Variants in PHACTR3 observed in about 807,000 individuals in gnomAD.
PHACTR3 encodes protein phosphatase 1, regulatory subunit 123.
PHACTR3 carries 16 observed loss-of-function variants against 66.8 expected under a neutral mutation model. The ratio of observed to expected loss-of-function variants is 0.24; its 90% CI spans 0.16 to 0.36. PHACTR3 has a LOEUF of 0.36. Ranked by LOEUF, PHACTR3 falls within the 10% of genes least tolerant of loss-of-function variation. PHACTR3 has a pLI of 1.00. For missense variants in PHACTR3, 647 were observed against 719.9 expected (o/e 0.90, Z 1.16); for synonymous variants, 323 against 292.1 (o/e 1.11, Z -1.08).
chr20:59,661,034 C>T (rs1053220551), intron 1 of PHACTR3, among the ~76,000 whole-genome samples: 1 of 152,152 alleles, frequency 6.6e-6, no homozygotes, highest in Non-Finnish European at 1.5e-5. Context: ...CACTGTGATT[C>T]TCATTTTCCT....
chr20:59,698,293 G>C (rs911817440), intron 1 of PHACTR3, among the ~76,000 whole-genome samples: 1 of 152,098 alleles, frequency 6.6e-6, no homozygotes, highest in Non-Finnish European at 1.5e-5. Context: ...AAAAAAGACT[G>C]GATGGAGAGA....
At chr20:59,676,531 C>G in intron 1 of PHACTR3, 1 of 164,968 alleles carries the variant, frequency 6.1e-6, no homozygotes, top group Non-Finnish European at 1.3e-5. Flanking sequence ...GGTGTTCAGC[C>G]CCAAAATGCA....
At chr20:59,798,136 A>G (rs1480160688) in intron 7 of PHACTR3, among the ~76,000 whole-genome samples, 1 of 152,182 alleles carries the variant, frequency 6.6e-6, no homozygotes, top group Non-Finnish European at 1.5e-5. Context: ...TCTGGTGAGA[A>G]CCCATTCTTC....
intron 1 of PHACTR3, among the ~76,000 whole-genome samples, chr20:59,716,744 C>T (rs1246457976): frequency 6.6e-6 from 1 of 152,160 alleles, no homozygotes; most frequent in East Asian, 1.9e-4. Context: ...TTTGTTGTCA[C>T]CAAATTGCGG....
chr20:59,759,990 G>T (rs554627153), intron 4 of PHACTR3, among the ~76,000 whole-genome samples: 1 of 152,276 alleles, frequency 6.6e-6, no homozygotes, highest in South Asian at 2.1e-4. Context: ...TGGGGTGTCT[G>T]CAGTGGTGCT....
chr20:59,701,735 C>G (rs985583122), intron 1 of PHACTR3, among the ~76,000 whole-genome samples: 1 of 152,184 alleles, frequency 6.6e-6, no homozygotes, highest in Non-Finnish European at 1.5e-5. Context: ...ATTATTAACT[C>G]AAGTCCACAG....
At chr20:59,710,360 G>C (rs1258082623) in intron 1 of PHACTR3, among the ~76,000 whole-genome samples, 3 of 152,132 alleles carry the variant, frequency 2.0e-5, no homozygotes, top group Non-Finnish European at 4.4e-5. Flanking sequence ...TGAGATGTTA[G>C]TGGTCCTCAT....
chr20:59,628,514 G>A (rs1020559770), intron 1 of PHACTR3: 9 of 509,170 alleles, frequency 1.8e-5, no homozygotes, highest in African/African-American at 2.1e-5. Context: ...GAGTGCAGCC[G>A]TGCATGGGGC....
chr20:59,649,087 C>G (rs1601005064), intron 1 of PHACTR3, among the ~76,000 whole-genome samples: 2 of 152,242 alleles, frequency 1.3e-5, no homozygotes, highest in South Asian at 2.1e-4. Context: ...CCATGCTGGA[C>G]AATTGTTTAT....
chr20:59,584,796 C>A lies in PHACTR3; in HGVS notation c.109+7179C>A, dbSNP rs550447527. Among the ~76,000 whole-genome samples, 4 of 152,274 alleles carry A rather than the reference C, an allele frequency of 2.6e-5. No individual in the cohort carries two copies. The East Asian group carries it at 5.8e-4, about 22-fold the overall frequency. On this transcript the variant is annotated intron_variant, in intron 1 of 12. Coordinates refer to the PHACTR3 transcript ENST00000359926. ...CATCTGTCAAGGCCCAGCAGCGAGA[C>A]CTCGTCTGTGAAGCCTCTCACCCCC...
chr20:59,652,575 A>G (rs2035491583), intron 1 of PHACTR3, among the ~76,000 whole-genome samples: 1 of 152,176 alleles, frequency 6.6e-6, no homozygotes. Flanking sequence ...AAAAAATGCT[A>G]ATCTCATCAA....
At chr20:59,635,121 T>TTCTC (rs1368924195) in intron 1 of PHACTR3, among the ~76,000 whole-genome samples, 2 of 76,818 alleles carry the variant, frequency 2.6e-5, no homozygotes, top group African/African-American at 1.0e-4. Flanking sequence ...CTTTCTTTCT[T>TTCTC]TCTTTCTTTC....
chr20:59,783,105 C>T lies in PHACTR3; in HGVS notation c.1174+8615C>T, dbSNP rs566779973. 4.6e-5 allele frequency among the ~76,000 whole-genome samples: 7 copies of T among 152,278 alleles called. No homozygotes were observed. In the South Asian group the frequency reaches 1.2e-3, roughly 27 times the overall value. ...CTGTAAAGTGAAGAGCCACCTGCAG[C>T]GAGTGAGGACTCCCCCACAGTCGTC... On this transcript the variant is annotated intron_variant, in intron 7 of 12. Transcript: ENST00000371015.
At chr20:59,675,002 TCTC>T (rs146509734) in intron 1 of PHACTR3, among the ~76,000 whole-genome samples, 1,373 of 72,080 alleles carry the variant, frequency 0.019, 36 homozygotes, top group African/African-American at 0.043. Flanking sequence ...TGTTCCCCCT[TCTC>T]CTGTTCCTCC....
chr20:59,791,753 C>G (rs1035077053), intron 7 of PHACTR3, among the ~76,000 whole-genome samples: 8 of 123,144 alleles, frequency 6.5e-5, no homozygotes, highest in African/African-American at 2.4e-4. Context: ...CACCCCACAA[C>G]AGGCCCCGGT....
chr20:59,692,332 T>A (rs2037141007), intron 1 of PHACTR3, among the ~76,000 whole-genome samples: 1 of 152,280 alleles, frequency 6.6e-6, no homozygotes, highest in Non-Finnish European at 1.5e-5. Context: ...GGTTCAGCTC[T>A]GGAGGTGTCC....
At chr20:59,648,326 G>A (rs891057112) in intron 1 of PHACTR3, among the ~76,000 whole-genome samples, 4 of 152,188 alleles carry the variant, frequency 2.6e-5, no homozygotes, top group African/African-American at 9.7e-5. Context: ...TATTAGTGAA[G>A]AATACCAAAG....
intron 1 of PHACTR3, among the ~76,000 whole-genome samples, chr20:59,617,587 C>T (rs1210745110): frequency 6.6e-6 from 1 of 151,748 alleles, no homozygotes; most frequent in Non-Finnish European, 1.5e-5. Context: ...TTGCATCTTG[C>T]CTGGTGAAAT....
intron 1 of PHACTR3, among the ~76,000 whole-genome samples, chr20:59,720,009 T>C (rs2038234442): frequency 6.6e-6 from 1 of 152,192 alleles, no homozygotes; most frequent in South Asian, 2.1e-4. Flanking sequence ...GTGGGGCCTG[T>C]GTTTCCATTT....
Sources: gnomAD v4.1 joint callset for allele counts (sites outside exome capture counted in the v4.1 genomes callset) on GRCh38, gnomAD v4.1.1 for gene constraint, MANE v1.5 for transcripts, NCBI Gene and HGNC (gene_info 2026-07-23, HGNC 2026-07-21) for gene names.